Variants in GATA4 observed in about 807,000 individuals in gnomAD.
The protein encoded by GATA4 is GATA binding protein 4, also known as transcription factor GATA-4.
In GATA4, 7 loss-of-function variants were observed where a neutral mutation model predicts 37.9. The ratio of observed to expected loss-of-function variants is 0.18; its 90% CI spans 0.11 to 0.35. The LOEUF (loss-of-function observed/expected upper bound fraction) is 0.35. GATA4 is among the 10% of genes least tolerant of loss of function. The probability of loss-of-function intolerance (pLI) is 1.00; values close to 1 mark genes in which losing one functional copy is unlikely to be tolerated. For missense variants in GATA4, 647 were observed against 653.0 expected (o/e 0.99, Z 0.10); for synonymous variants, 372 against 292.6 (o/e 1.27, Z -2.77).
chr8:11,737,352 C>T (rs1471744898), intron 2 of GATA4, among the ~76,000 whole-genome samples: 1 of 152,224 alleles, frequency 6.6e-6, no homozygotes, highest in East Asian at 1.9e-4. Flanking sequence ...CTCCTGACGG[C>T]AGGCCATGGG....
At chr8:11,733,033 A>G (rs1053520744) in intron 2 of GATA4, among the ~76,000 whole-genome samples, 1 of 152,198 alleles carries the variant, frequency 6.6e-6, no homozygotes, top group Non-Finnish European at 1.5e-5. Context: ...TGAGATAGGA[A>G]AGAAAGCGGC....
At chr8:11,705,082 G>A (rs1399071367) in intron 1 of GATA4, among the ~76,000 whole-genome samples, 2 of 152,210 alleles carry the variant, frequency 1.3e-5, no homozygotes, top group Non-Finnish European at 2.9e-5. Context: ...TGCCGGGGTC[G>A]CGGACTGCCA....
chr8:11,741,374 G>A (rs907379235), intron 2 of GATA4, among the ~76,000 whole-genome samples: 2 of 152,088 alleles, frequency 1.3e-5, no homozygotes, highest in African/African-American at 4.8e-5. Context: ...AGCTACTCAG[G>A]AGGTTCAGGC....
At chr8:11,755,909 T>TAA (rs34801514) in intron 5 of GATA4, among the ~76,000 whole-genome samples, 1,835 of 143,798 alleles carry the variant, frequency 0.013, 33 homozygotes, top group African/African-American at 0.042. Flanking sequence ...ACCCTGTCTT[T>TAA]AAAAAAAAAA....
At chr8:11,720,915 A>AT (rs1192058998) in intron 2 of GATA4, among the ~76,000 whole-genome samples, 5 of 151,642 alleles carry the variant, frequency 3.3e-5, no homozygotes, top group African/African-American at 1.2e-4. Context: ...AGTGGTGGAG[A>AT]TTTCATAGAA....
intron 1 of GATA4, among the ~76,000 whole-genome samples, chr8:11,685,391 G>A (rs1003896556): frequency 1.3e-5 from 2 of 152,200 alleles, no homozygotes; most frequent in Non-Finnish European, 2.9e-5. Context: ...TGACAAACTC[G>A]TGTTTATTTG....
At chr8:11,714,392 C>T (rs1049097207) in intron 2 of GATA4, among the ~76,000 whole-genome samples, 3 of 152,150 alleles carry the variant, frequency 2.0e-5, no homozygotes, top group Admixed American at 6.6e-5. Context: ...TGAAAAACCC[C>T]GAAGTGTTTT....
chr8:11,708,912 C>G lies in GATA4; in HGVS notation c.600C>G (p.Ala200=). 1 of 1,527,520 alleles carries G rather than the reference C, an allele frequency of 6.5e-7. No homozygotes were observed. The highest frequency in any genetic ancestry group is 1.4e-5 in the African/African-American group (1 of 72,348). The allele number at this position is 1,527,520 out of a possible 1,614,324, so 94.6% of individuals were successfully genotyped here. The stretch of plus-strand genomic sequence containing the variant: ...TGCCCGGCCGGGCCAACCCGGCCGC[C>G]CGACACCCCAATCTCGGTGAGTAGG... ...HSLPGRANPA[A]RHPNLVDMFD... is the part of the protein sequence containing the mutation. The change falls in exon 2 of 7, where the codon GCC becomes GCG. Residue 200 remains alanine, a synonymous_variant. Coordinates refer to ENST00000532059, the MANE Select transcript of GATA4 (RefSeq NM_001308093.3). The surrounding 1 kb of genome is among the most constrained non-coding windows in gnomAD (Gnocchi z 6.7).
chr8:11,746,629 C>T (rs1391939806), intron 2 of GATA4, among the ~76,000 whole-genome samples: 1 of 152,224 alleles, frequency 6.6e-6, no homozygotes, highest in Non-Finnish European at 1.5e-5. Flanking sequence ...CTTTAATCCC[C>T]TCATGGGCAG....
At chr8:11,744,876 T>C (rs963061217) in intron 2 of GATA4, among the ~76,000 whole-genome samples, 4 of 152,204 alleles carry the variant, frequency 2.6e-5, no homozygotes, top group Non-Finnish European at 4.4e-5. Flanking sequence ...CTTTCTGCCC[T>C]AGACAATTAG....
intron 1 of GATA4, among the ~76,000 whole-genome samples, chr8:11,683,921 A>G (rs1280278429): frequency 6.6e-6 from 1 of 152,184 alleles, no homozygotes; most frequent in Non-Finnish European, 1.5e-5. Flanking sequence ...ACGGGAAAGA[A>G]TTTCCCTGGG....
At chr8:11,729,191 C>G (rs1048103592) in intron 2 of GATA4, among the ~76,000 whole-genome samples, 3 of 152,130 alleles carry the variant, frequency 2.0e-5, no homozygotes, top group Non-Finnish European at 2.9e-5. Flanking sequence ...CCACTGCACT[C>G]CAGCCTGGGT....
chr8:11,709,254 C>T lies in GATA4; in HGVS notation c.616+326C>T, dbSNP rs1052717994. Reference sequence around the variant, plus strand: ...GGTGACGCGGGAGGACAGCGGGCTCCCTGGAGAGCCGGGGGCAGCGGCCTG... The same window carrying T: ...GGTGACGCGGGAGGACAGCGGGCTCTCTGGAGAGCCGGGGGCAGCGGCCTG... On this transcript the variant is annotated intron_variant, in intron 2 of 6. Transcript: ENST00000532059. The surrounding 1 kb of genome is among the most constrained non-coding windows in gnomAD (Gnocchi z 4.3). Among the ~76,000 whole-genome samples the T allele has an allele frequency of 5.3e-5, 8 of 152,196 alleles. No individual in the cohort carries two copies. Among genetic ancestry groups the T allele is most frequent in the African/African-American group, 1.9e-4 (8 of 41,464 alleles).
chr8:11,720,573 T>G (rs1374920299), intron 2 of GATA4, among the ~76,000 whole-genome samples: 1 of 152,184 alleles, frequency 6.6e-6, no homozygotes, highest in South Asian at 2.1e-4. Context: ...TACCCAATGC[T>G]TATCTTTTCT....
upstream of GATA4, among the ~76,000 whole-genome samples, chr8:11,689,606 A>G (rs531095810): frequency 3.3e-5 from 5 of 152,280 alleles, no homozygotes; most frequent in East Asian, 7.7e-4. Flanking sequence ...GGCTTGGTTT[A>G]TCCCCACTCT....
At chr8:11,734,897 A>T (rs1474602708) in intron 2 of GATA4, among the ~76,000 whole-genome samples, 1 of 152,238 alleles carries the variant, frequency 6.6e-6, no homozygotes, top group Non-Finnish European at 1.5e-5. Context: ...GTGGGTTAGG[A>T]TTGCAAGATC....
In GATA4 at chr8:11,693,040, C is replaced by T. The variant is rs1222085650; in HGVS notation, c.-729+380C>T. On this transcript the variant is annotated intron_variant, in intron 1 of 2. Transcript: ENST00000526974. ...AGGCTTCTGCCAGCGCCTGCGGGGC[C>T]TCTGCGTGGAGTGGGCCGGCAGCGT... 5 of 985,314 alleles carry T rather than the reference C, an allele frequency of 5.1e-6. No individual in the cohort carries two copies. The African/African-American group carries it at 7.0e-5, about 14-fold the overall frequency. 61.0% of individuals were successfully genotyped at this position (985,314 alleles called of 1,614,324 possible).
At chr8:11,690,233 C>T (rs537010921), upstream of GATA4, among the ~76,000 whole-genome samples, 6 of 152,362 alleles carry the variant, frequency 3.9e-5, no homozygotes, top group African/African-American at 1.2e-4. Flanking sequence ...GAGACCATGG[C>T]GCCCGTGTCT....
chr8:11,732,088 C>A (rs1038659455), intron 2 of GATA4, among the ~76,000 whole-genome samples: 1 of 152,198 alleles, frequency 6.6e-6, no homozygotes, highest in African/African-American at 2.4e-5. Context: ...GCAAATCTAT[C>A]ATATTTATAA....
Sources: allele counts gnomAD v4.1 joint callset (sites outside exome capture counted in the v4.1 genomes callset), GRCh38; gene constraint gnomAD v4.1.1; non-coding constraint Gnocchi (gnomAD v3.1); transcripts MANE v1.5; gene names NCBI Gene and HGNC (gene_info 2026-07-23, HGNC 2026-07-21).